Variants in UBASH3A observed in about 807,000 individuals in gnomAD.
UBASH3A encodes the protein ubiquitin associated and SH3 domain containing A.
UBASH3A carries 63 observed loss-of-function variants against 73.5 expected under a neutral mutation model. The observed-to-expected ratio is 0.86, with a 90% confidence interval of 0.70 to 1.06. The LOEUF (loss-of-function observed/expected upper bound fraction) is 1.06, where lower values mean the gene tolerates loss of function less well. UBASH3A is among the 50% of genes least tolerant of loss of function. The pLI is 0.00. For synonymous variants in UBASH3A, 363 were observed against 351.1 expected, an observed-to-expected ratio of 1.03 and a Z score of -0.38; for missense variants, 860 against 859.0, an observed-to-expected ratio of 1.00 and a Z score of -0.02.
intron 11 of UBASH3A, among the ~76,000 whole-genome samples, chr21:42,440,465 C>T (rs1160973688): frequency 6.6e-6 from 1 of 152,210 alleles, no homozygotes; most frequent in East Asian, 1.9e-4. Flanking sequence ...GAAATGCACA[C>T]AAATATATGA....
chr21:42,441,647 G>A (rs1357450863), intron 11 of UBASH3A, among the ~76,000 whole-genome samples: 1 of 144,542 alleles, frequency 6.9e-6, no homozygotes, highest in Non-Finnish European at 1.5e-5. Context: ...GGTTGATGGG[G>A]GAGGACTTGG....
At position 42,418,533 on chromosome 21, in the gene UBASH3A, C is replaced by T. The variant is rs1215371777; in HGVS notation, c.970C>T (p.Arg324Trp). 4 of 1,614,162 alleles carry T rather than the reference C, an allele frequency of 2.5e-6. No individual in the cohort carries two copies. Among genetic ancestry groups the T allele is most frequent in the Non-Finnish European group, 3.4e-6 (4 of 1,180,010 alleles). The change falls in exon 7 of 15, where the codon CGG (arginine) becomes TGG (tryptophan). Residue 324 changes from arginine (R) to tryptophan (W), a missense_variant. By Grantham distance (101) the Arg-to-Trp change is moderately radical (BLOSUM62 -3). Transcript: ENST00000319294. The part of the protein sequence containing the change: ...SEGWVIGISQ[R>W]TGCRGFLPEN... ...GGGCTGGGTGATTGGGATCTCACAG[C>T]GGACGGGCTGCCGGGGCTTCCTGCC...
intron 14 of UBASH3A, among the ~76,000 whole-genome samples, chr21:42,446,505 A>G (rs113684513): frequency 7.7e-4 from 117 of 152,258 alleles, no homozygotes; most frequent in Non-Finnish European, 1.4e-3. Flanking sequence ...TAGACATTAG[A>G]AAGAGGAAGG....
chr21:42,419,935 A>G lies in UBASH3A; in HGVS notation c.1046+1326A>G, dbSNP rs188351731. On this transcript the variant is annotated intron_variant, in intron 7 of 14. Transcript: ENST00000319294. ...GAGCGTGTTTAAGGTAAGCTAGGCC[A>G]AGCTGTGATGTTCAGTAGGTTAGGT... Among the ~76,000 whole-genome samples the G allele has an allele frequency of 9.2e-5, 14 of 152,348 alleles. No homozygotes were observed. In the East Asian group the frequency reaches 2.3e-3, roughly 25 times the overall value.
intron 9 of UBASH3A, 110 bp downstream of exon 9, chr21:42,432,312 T>A: frequency 1.4e-6 from 1 of 701,906 alleles, no homozygotes; most frequent in Non-Finnish European, 2.4e-6. Context: ...CACCATTCTG[T>A]AGAATGACCA....
chr21:42,426,797 C>G lies in UBASH3A; in HGVS notation c.1147C>G (p.Leu383Val), dbSNP rs1438957649. ...GEFLPQTARS[L>V]SSLQALQATV... ...ATTTCTTCCACAAACGGCAAGGAGT[C>G]TTAGCAGCTTACAGGCCTTGCAGGT... The change falls in exon 8 of 15, where the codon CTT becomes GTT. Residue 383 changes from leucine (L) to valine (V), a missense_variant. Transcript: ENST00000319294. The G allele has an allele frequency of 6.8e-6, 11 of 1,614,194 alleles. No homozygotes were observed. The highest frequency in any genetic ancestry group is 9.3e-6 in the Non-Finnish European group (11 of 1,180,012).
At chr21:42,425,837 G>A (rs2053425579) in intron 7 of UBASH3A, among the ~76,000 whole-genome samples, 1 of 152,078 alleles carries the variant, frequency 6.6e-6, no homozygotes, top group African/African-American at 2.4e-5. Flanking sequence ...CAAATGGGCT[G>A]GATAAATAGA....
At chr21:42,434,278 G>C (rs1339830286) in intron 9 of UBASH3A, among the ~76,000 whole-genome samples, 1 of 152,168 alleles carries the variant, frequency 6.6e-6, no homozygotes, top group African/African-American at 2.4e-5. Flanking sequence ...TCAGATCTTA[G>C]AACTCAAGGT....
Position 42,419,245 on chromosome 21 carries a change from A to G in UBASH3A, c.1046+636A>G, listed in dbSNP as rs137963041. Among the ~76,000 whole-genome samples, 480 of 152,308 alleles carry G rather than the reference A, an allele frequency of 3.2e-3. 3 individuals are homozygous for G. The highest frequency in any genetic ancestry group is 9.4e-3 in the African/African-American group (391 of 41,560). On this transcript the variant is annotated intron_variant, in intron 7 of 14. Transcript: ENST00000319294. ...ATCAGCTGAAGAATCTCTTAATTTT[A>G]GCACCTTTTAGCATCATCTGGTGAG...
intron 2 of UBASH3A, 108 bp downstream of exon 2, chr21:42,406,469 G>A: frequency 1.1e-6 from 1 of 912,450 alleles, no homozygotes; most frequent in South Asian, 1.4e-5. Context: ...GCGCCTCTGG[G>A]TGGGATGGGG....
intron 8 of UBASH3A, among the ~76,000 whole-genome samples, chr21:42,427,544 C>T (rs982869341): frequency 3.3e-5 from 5 of 152,192 alleles, no homozygotes; most frequent in Admixed American, 2.6e-4. Flanking sequence ...TATCCCCAAT[C>T]GACACAGGAG....
chr21:42,414,522 G>A (rs193017575), intron 5 of UBASH3A, among the ~76,000 whole-genome samples: 2 of 152,320 alleles, frequency 1.3e-5, no homozygotes, highest in Admixed American at 1.3e-4. Flanking sequence ...TTGTCCACCA[G>A]GAACTTGGGA....
intron 14 of UBASH3A, 68 bp downstream of exon 14, chr21:42,444,711 C>A (rs1322679776): frequency 1.6e-6 from 2 of 1,253,378 alleles, no homozygotes; most frequent in African/African-American, 1.5e-5. Flanking sequence ...TTTATCTCAT[C>A]CACTTCTCGG....
chr21:42,426,834 C>A lies in UBASH3A; in HGVS notation c.1170+14C>A, dbSNP rs2053444768. Reference sequence around the variant, plus strand: ...CAGGCCTTGCAGGTAATAGAACATTCCCTTTTTTCTTTTAAGTAAACTAAG... The same window carrying A: ...CAGGCCTTGCAGGTAATAGAACATTACCTTTTTTCTTTTAAGTAAACTAAG... On this transcript the variant is annotated intron_variant, in intron 8 of 14. Coordinates refer to ENST00000319294, the MANE Select transcript of UBASH3A (RefSeq NM_018961.4). 3 of 1,611,558 alleles carry A rather than the reference C, an allele frequency of 1.9e-6. No homozygotes were observed. The highest frequency in any genetic ancestry group is 1.3e-5 in the African/African-American group (1 of 74,866).
chr21:42,433,367 T>A (rs1365901303), intron 9 of UBASH3A, among the ~76,000 whole-genome samples: 1 of 152,220 alleles, frequency 6.6e-6, no homozygotes, highest in Non-Finnish European at 1.5e-5. Context: ...TGGGGGGCTC[T>A]ACTGGCCTCT....
rs1440739231 is a variant in UBASH3A at position 42,434,695 on chromosome 21, T to C, written c.1271-137T>C. Reference sequence around the variant, plus strand: ...CAAATTGAAGCCACGTTGCAGAGAATGTTCAGAAACAACACAGTTGACAAT... The same window carrying C: ...CAAATTGAAGCCACGTTGCAGAGAACGTTCAGAAACAACACAGTTGACAAT... On this transcript the variant is annotated intron_variant, in intron 9 of 14. Transcript: ENST00000319294. The C allele has an allele frequency of 4.1e-6, 4 of 979,134 alleles. No individual in the cohort carries two copies. In the African/African-American group the frequency reaches 5.0e-5, roughly 12 times the overall value. 60.7% of individuals were successfully genotyped at this position (979,134 alleles called of 1,614,324 possible). A position where few individuals can be genotyped will look rare whatever the true frequency, so the allele number is the denominator to read the frequency against.
At chr21:42,420,916 T>C (rs1272397515) in intron 7 of UBASH3A, among the ~76,000 whole-genome samples, 3 of 152,258 alleles carry the variant, frequency 2.0e-5, no homozygotes, top group African/African-American at 7.2e-5. Flanking sequence ...TTTGATGGGA[T>C]AGCTAGGAAG....
Position 42,434,914 on chromosome 21 carries a change from C to G in UBASH3A, c.1353C>G (p.Pro451=). The G allele has an allele frequency of 6.2e-7, 1 of 1,614,188 alleles. No homozygotes were observed. The highest frequency in any genetic ancestry group is 1.3e-5 in the African/African-American group (1 of 75,042). The part of the protein sequence containing the change: ...SRGIKDFEND[P]PLSSCGIFQS... ...GGATCAAAGACTTTGAAAACGATCC[C>G]CCATTATCATCGTGTGGCATTTTCC... Residue 451 remains proline, a synonymous_variant, in exon 10 of 15, where the codon CCC becomes CCG. Coordinates refer to ENST00000319294, the MANE Select transcript of UBASH3A (RefSeq NM_018961.4).
At chr21:42,431,410 T>C (rs2053527529) in intron 8 of UBASH3A, among the ~76,000 whole-genome samples, 1 of 152,238 alleles carries the variant, frequency 6.6e-6, no homozygotes, top group South Asian at 2.1e-4. Flanking sequence ...TGCCTGAGGC[T>C]GGGGAGGAAG....
Sources: gnomAD v4.1 joint callset for allele counts (sites outside exome capture counted in the v4.1 genomes callset) on GRCh38, gnomAD v4.1.1 for gene constraint, MANE v1.5 for transcripts, NCBI Gene and HGNC (gene_info 2026-07-23, HGNC 2026-07-21) for gene names.